Variants in BNC2 observed in about 807,000 individuals in gnomAD.
The protein encoded by BNC2 is zinc finger protein basonuclin-2.
In BNC2, 20 loss-of-function variants were observed where a neutral mutation model predicts 76.3. The ratio of observed to expected loss-of-function variants is 0.26; its 90% CI spans 0.18 to 0.38. BNC2 has a LOEUF of 0.38. BNC2 is among the 10% of genes least tolerant of loss of function. The probability of loss-of-function intolerance (pLI) is 1.00; values close to 1 mark genes in which losing one functional copy is unlikely to be tolerated. For missense variants in BNC2, 1,382 were observed against 1,399.8 expected (o/e 0.99, Z 0.20); for synonymous variants, 582 against 514.8 (o/e 1.13, Z -1.77).
chr9:16,644,531 G>A (rs1048066728), intron 3 of BNC2, among the ~76,000 whole-genome samples: 10 of 151,500 alleles, frequency 6.6e-5, no homozygotes, highest in South Asian at 2.1e-4. Context: ...ATAGTCATAG[G>A]GATTCTGAAT....
chr9:16,505,780 T>C (rs527883739), intron 5 of BNC2, among the ~76,000 whole-genome samples: 3 of 152,228 alleles, frequency 2.0e-5, no homozygotes, highest in South Asian at 2.1e-4. Context: ...ATCAGGTGAT[T>C]TGAATTTCAT....
intron 1 of BNC2, among the ~76,000 whole-genome samples, chr9:16,830,731 A>G (rs1258842897): frequency 6.6e-6 from 1 of 152,256 alleles, no homozygotes; most frequent in African/African-American, 2.4e-5. Context: ...TTCTGAAAGT[A>G]GATCACCAAA....
chr9:16,468,269 C>T (rs1821738178), intron 5 of BNC2, among the ~76,000 whole-genome samples: 1 of 152,130 alleles, frequency 6.6e-6, no homozygotes, highest in Non-Finnish European at 1.5e-5. Flanking sequence ...TCTTCCTTGA[C>T]TGCCCAAGAC....
At position 16,516,489 on chromosome 9, in the gene BNC2, T is replaced by C. The variant is rs541150403; in HGVS notation, c.669+36041A>G. Among the ~76,000 whole-genome samples the C allele has an allele frequency of 3.9e-5, 6 of 152,310 alleles. No homozygotes were observed. The South Asian group carries it at 8.3e-4, about 21-fold the overall frequency. On this transcript the variant is annotated intron_variant, in intron 5 of 6. Coordinates refer to ENST00000380672, the MANE Select transcript of BNC2 (RefSeq NM_017637.6). ...TACCAACTGAGATAAATATCACTTA[T>C]GTATCATCAATGTCCAAATTACATA...
chr9:16,811,230 C>CAAAAAAAAAAAAAAAAAAAAAAAAAAAA (rs58068661), intron 1 of BNC2, among the ~76,000 whole-genome samples: 1 of 97,548 alleles, frequency 1.0e-5, no homozygotes, highest in Non-Finnish European at 2.2e-5. Context: ...CTCAAAAGAC[C>CAAAAAAAAAAAAAAAAAAAAAAAAAAAA]AAAAAAAAAA....
intron 3 of BNC2, among the ~76,000 whole-genome samples, chr9:16,701,979 T>C (rs959818320): frequency 2.4e-4 from 35 of 148,694 alleles, no homozygotes; most frequent in Admixed American, 1.1e-3. Flanking sequence ...ATAATATTAA[T>C]GTACTTCACA....
At chr9:16,555,185 A>AT (rs910433721) in intron 4 of BNC2, among the ~76,000 whole-genome samples, 1,590 of 144,618 alleles carry the variant, frequency 0.011, 15 homozygotes, top group Non-Finnish European at 0.012. Flanking sequence ...CGCCTGACTA[A>AT]TTTTTTTTTT....
At chr9:16,492,362 T>C (rs1822296484) in intron 5 of BNC2, among the ~76,000 whole-genome samples, 1 of 152,238 alleles carries the variant, frequency 6.6e-6, no homozygotes, top group African/African-American at 2.4e-5. Context: ...CATCCATACT[T>C]AAGTAAAGGC....
intron 5 of BNC2, among the ~76,000 whole-genome samples, chr9:16,462,969 C>G (rs2382805): frequency 6.6e-6 from 1 of 152,048 alleles, no homozygotes; most frequent in Non-Finnish European, 1.5e-5. Flanking sequence ...TCTCCAGAAC[C>G]GACCATTTCT....
chr9:16,428,413 C>G (rs1402325437), intron 6 of BNC2, among the ~76,000 whole-genome samples: 2 of 152,036 alleles, frequency 1.3e-5, no homozygotes, highest in East Asian at 3.9e-4. Flanking sequence ...ATCTTATTTC[C>G]CATCAATGTG....
At chr9:16,543,317 G>A (rs1186605485) in intron 5 of BNC2, among the ~76,000 whole-genome samples, 2 of 152,144 alleles carry the variant, frequency 1.3e-5, no homozygotes, top group African/African-American at 4.8e-5. Flanking sequence ...GTTAATTGGT[G>A]CTAGAATTAA....
intron 3 of BNC2, among the ~76,000 whole-genome samples, chr9:16,587,521 T>A (rs965083614): frequency 1.3e-5 from 2 of 152,198 alleles, no homozygotes; most frequent in South Asian, 4.1e-4. Context: ...AGTCTTTTTT[T>A]CTAGACTATT....
intron 1 of BNC2, among the ~76,000 whole-genome samples, chr9:16,822,995 T>C (rs1242216215): frequency 6.6e-6 from 1 of 152,140 alleles, no homozygotes; most frequent in African/African-American, 2.4e-5. Context: ...ACCTAGAAAA[T>C]GGTTTTGTCT....
intron 3 of BNC2, among the ~76,000 whole-genome samples, chr9:16,675,222 G>A (rs907450161): frequency 2.0e-5 from 3 of 151,680 alleles, no homozygotes; most frequent in African/African-American, 7.3e-5. Context: ...AAGTCCACTT[G>A]GATTATACAA....
chr9:16,612,855 T>C (rs1820588164), intron 3 of BNC2, among the ~76,000 whole-genome samples: 1 of 152,182 alleles, frequency 6.6e-6, no homozygotes, highest in South Asian at 2.1e-4. Flanking sequence ...TCAAAGGTCC[T>C]CAAGGTCAGA....
rs180773105 is a variant in BNC2, at chr9:16,616,541, A to T, written c.331-33456T>A. On this transcript the variant is annotated intron_variant, in intron 3 of 6. Transcript: ENST00000380672. ...GCAAGACCCTGTCTCTACAAAAAAA[A>T]TTTTTTAAATTAGCCAGCCCCATGG... Among the ~76,000 whole-genome samples, 15 of 151,316 alleles carry T rather than the reference A, an allele frequency of 9.9e-5. No individual in the cohort carries two copies. In the South Asian group the frequency reaches 1.9e-3, roughly 19 times the overall value.
intron 3 of BNC2, chr9:16,685,526 A>C: frequency 2.3e-6 from 3 of 1,297,384 alleles, no homozygotes; most frequent in Non-Finnish European, 3.1e-6. Flanking sequence ...CTAGCTGAGA[A>C]AACAGTTAAG....
chr9:16,738,257 A>G, intron 2 of BNC2, 103 bp downstream of exon 2: 1 of 1,305,578 alleles, frequency 7.7e-7, no homozygotes, highest in Non-Finnish European at 1.1e-6. Flanking sequence ...AAGACAGTAA[A>G]AGAGTGGCAG....
Position 16,437,408 on chromosome 9 carries a change from T to G in BNC2, c.786A>C (p.Ala262=), listed in dbSNP as rs1821041578. The change falls in exon 6 of 7, where the codon GCA becomes GCC. Residue 262 remains alanine (A), a synonymous_variant. Coordinates refer to ENST00000380672, the MANE Select transcript of BNC2 (RefSeq NM_017637.6). ...CGGCCTGCCCTTCTTTCTCCTGAAT[T>G]GCCATCAGCTCCACAATGGATTTGG... ...GETKSIVELM[A]IQEKEGQAVA... 6.2e-7 allele frequency: 1 copy of G among 1,611,494 alleles called. No homozygotes were observed. Among genetic ancestry groups the G allele is most frequent in the African/African-American group, 1.3e-5 (1 of 74,806 alleles).
Sources: allele counts gnomAD v4.1 joint callset (sites outside exome capture counted in the v4.1 genomes callset), GRCh38; gene constraint gnomAD v4.1.1; transcripts MANE v1.5; gene names NCBI Gene and HGNC (gene_info 2026-07-23, HGNC 2026-07-21).